Variants in SEC23B observed in about 807,000 individuals in gnomAD.
SEC23B encodes SEC23 homolog B, COPII component, also known as protein transport protein Sec23B.
Under a neutral mutation model 104.3 loss-of-function variants are expected in SEC23B, and 77 were observed. The ratio of observed to expected loss-of-function variants is 0.74; its 90% CI spans 0.61 to 0.89. The LOEUF is 0.89. Ranked by LOEUF, SEC23B falls within the 40% of genes least tolerant of loss-of-function variation. The probability of loss-of-function intolerance (pLI) is 0.00; values close to 1 mark genes in which losing one functional copy is unlikely to be tolerated. For missense variants in SEC23B, 885 were observed against 949.4 expected, an observed-to-expected ratio of 0.93 and a Z score of 0.89; for synonymous variants, 338 against 332.5, an observed-to-expected ratio of 1.02 and a Z score of -0.18.
intron 14 of SEC23B, among the ~76,000 whole-genome samples, chr20:18,545,289 G>C (rs956548559): frequency 1.3e-5 from 2 of 152,184 alleles, no homozygotes; most frequent in Non-Finnish European, 2.9e-5. Flanking sequence ...GCAGAAAAGG[G>C]TTGGTTGGAG....
In SEC23B at chr20:18,548,701, G is replaced by C. The variant is rs2034155714; in HGVS notation, c.1836G>C (p.Gln612His). The change falls in exon 16 of 20, where the codon CAG becomes CAC. Residue 612 changes from glutamine (Q) to histidine (H), a missense_variant. Physicochemically the swap from Gln to His is conservative, Grantham distance 24 (BLOSUM62 0). Transcript: ENST00000650089. ...SSYYRHHFAR[Q>H]DLTQSLIMIQ... ...ATTACAGACATCATTTTGCCCGGCA[G>C]GACCTGACCCAGTCCCTCATCATGA... 6.2e-7 allele frequency: 1 copy of C among 1,614,152 alleles called. No individual in the cohort carries two copies. Among genetic ancestry groups the C allele is most frequent in the South Asian group, 1.1e-5 (1 of 91,080 alleles).
At chr20:18,526,091 G>T (rs2060131671) in intron 7 of SEC23B, among the ~76,000 whole-genome samples, 159 bp downstream of exon 7, 2 of 152,302 alleles carry the variant, frequency 1.3e-5, no homozygotes, top group East Asian at 3.9e-4. Context: ...CGTTGAGGGA[G>T]CCCCTCAACA....
intron 4 of SEC23B, among the ~76,000 whole-genome samples, chr20:18,518,461 T>C (rs141594260): frequency 0.011 from 1,659 of 151,990 alleles, 36 homozygotes; most frequent in African/African-American, 0.038. Context: ...TCCTTGAGGA[T>C]AGATTTCCAC....
intron 5 of SEC23B, 64 bp downstream of exon 5, chr20:18,524,733 T>G (rs1402305920): frequency 7.1e-7 from 1 of 1,398,604 alleles, no homozygotes; most frequent in Non-Finnish European, 1.0e-6. Context: ...CTGGGGTCTC[T>G]TTAAAAGAGC....
intron 9 of SEC23B, among the ~76,000 whole-genome samples, chr20:18,528,289 A>G (rs1290261227): frequency 6.6e-6 from 1 of 152,232 alleles, no homozygotes; most frequent in Non-Finnish European, 1.5e-5. Context: ...ACGTATTGTT[A>G]TCACCAGGGG....
At position 18,543,087 on chromosome 20, in the gene SEC23B, T is replaced by C. The variant is rs2060303450; in HGVS notation, c.1580T>C (p.Leu527Ser). ...AAFDQEAAAVLMARLGVFRAE... is the reference protein window; with the variant it reads ...AAFDQEAAAVSMARLGVFRAE... ...TTTGACCAGGAGGCTGCGGCAGTGT[T>C]GATGGCACGGCTTGGGGTGTTCCGA... Residue 527 changes from leucine to serine, a missense_variant, in exon 14 of 20, where the codon TTG (leucine) becomes TCG (serine). By Grantham distance (145) the Leu-to-Ser change is moderately radical. Coordinates refer to ENST00000650089, the MANE Select transcript of SEC23B (RefSeq NM_006363.6). The C allele has an allele frequency of 6.2e-7, 1 of 1,614,152 alleles. No homozygotes were observed.
intron 8 of SEC23B, 101 bp downstream of exon 8, chr20:18,526,632 A>G: frequency 8.2e-7 from 1 of 1,219,168 alleles, no homozygotes; most frequent in Non-Finnish European, 1.2e-6. Flanking sequence ...TGTCATGGTC[A>G]GCAAGACGCT....
chr20:18,524,946 C>T lies in SEC23B; in HGVS notation c.615C>T (p.Gly205=). ...TTTTTTTTTTTAAGGATATGTTGGG[C>T]CTGACCAAGCCAGCCATGCCCATGC... ...LTAKQIQDML[G]LTKPAMPMQQ... The change falls in exon 6 of 20, where the codon GGC becomes GGT. Residue 205 remains glycine (G), a synonymous_variant. Transcript: ENST00000650089. The T allele has an allele frequency of 6.2e-7, 1 of 1,613,614 alleles. No homozygotes were observed. Among genetic ancestry groups the T allele is most frequent in the Non-Finnish European group, 8.5e-7 (1 of 1,179,902 alleles).
chr20:18,521,608 G>A (rs2060084697), intron 4 of SEC23B, among the ~76,000 whole-genome samples: 1 of 152,190 alleles, frequency 6.6e-6, no homozygotes, highest in African/African-American at 2.4e-5. Context: ...GGCCGGGTGT[G>A]AGGAGGGGAG....
chr20:18,527,680 G>A, intron 9 of SEC23B, 69 bp downstream of exon 9: 1 of 1,062,994 alleles, frequency 9.4e-7, no homozygotes, highest in Admixed American at 1.7e-5. Flanking sequence ...TAGTGATGGA[G>A]CCATAGGAAT....
chr20:18,559,288 C>A (rs1267944658), intron 19 of SEC23B, among the ~76,000 whole-genome samples: 9 of 152,112 alleles, frequency 5.9e-5, no homozygotes, highest in Admixed American at 6.5e-5. Context: ...AAGTCCTGAC[C>A]CTCCTCCAGG....
At chr20:18,530,839 A>C (rs768981370) in intron 10 of SEC23B, 36 bp downstream of exon 10, 2 of 1,541,320 alleles carry the variant, frequency 1.3e-6, no homozygotes, top group Non-Finnish European at 1.8e-6. Context: ...ATGTGGACTC[A>C]CTGTACTGCC....
chr20:18,524,005 G>A (rs1270820409), intron 4 of SEC23B, among the ~76,000 whole-genome samples: 1 of 152,088 alleles, frequency 6.6e-6, no homozygotes, highest in African/African-American at 2.4e-5. Context: ...CATGAACCCG[G>A]CTCATATGCT....
intron 16 of SEC23B, among the ~76,000 whole-genome samples, chr20:18,549,821 A>G (rs1412729412): frequency 6.6e-6 from 1 of 151,780 alleles, no homozygotes; most frequent in East Asian, 1.9e-4. Flanking sequence ...TCTCTACTAA[A>G]CATACAAAAA....
At position 18,525,037 on chromosome 20, in the gene SEC23B, G is replaced by A; in HGVS notation, c.689+17G>A. On this transcript the variant is annotated intron_variant, in intron 6 of 19. Coordinates refer to ENST00000650089, the MANE Select transcript of SEC23B (RefSeq NM_006363.6). ...TTCAAGCAGGTGAGAGCCCAACATG[G>A]AGTGTTACACGTATTGTGATGGACA... 1 of 1,609,544 alleles carries A rather than the reference G, an allele frequency of 6.2e-7. No individual in the cohort carries two copies. The highest frequency in any genetic ancestry group is 8.5e-7 in the Non-Finnish European group (1 of 1,175,824).
At chr20:18,541,843 C>T (rs565102460) in intron 12 of SEC23B, among the ~76,000 whole-genome samples, 3 of 152,216 alleles carry the variant, frequency 2.0e-5, no homozygotes, top group Admixed American at 6.5e-5. Flanking sequence ...AGAAAACTTG[C>T]GCCAATAGTC....
chr20:18,531,536 G>T (rs1260090445), intron 10 of SEC23B, among the ~76,000 whole-genome samples: 1 of 151,226 alleles, frequency 6.6e-6, no homozygotes, highest in Non-Finnish European at 1.5e-5. Context: ...CATGCCTGTA[G>T]CCCCAGCTAC....
chr20:18,529,085 A>G (rs1337049038), intron 9 of SEC23B, among the ~76,000 whole-genome samples: 6 of 152,252 alleles, frequency 3.9e-5, no homozygotes, highest in Non-Finnish European at 5.9e-5. Flanking sequence ...TGTTTGAAGA[A>G]GAGCAGTGGT....
At chr20:18,544,235 C>G (rs911117) in intron 14 of SEC23B, among the ~76,000 whole-genome samples, 14,642 of 152,210 alleles carry the variant, frequency 0.096, 887 homozygotes, top group East Asian at 0.27. Context: ...ATGGAAAGGC[C>G]CAGTAGGGAA....
Sources: gnomAD v4.1 joint callset for allele counts (sites outside exome capture counted in the v4.1 genomes callset) on GRCh38, gnomAD v4.1.1 for gene constraint, MANE v1.5 for transcripts, NCBI Gene and HGNC (gene_info 2026-07-23, HGNC 2026-07-21) for gene names.